IL1RAPL1: variants seen among roughly 807,000 people sequenced by gnomAD.
The protein encoded by IL1RAPL1 is interleukin 1 receptor accessory protein like 1, also known as interleukin-1 receptor accessory protein-like 1.
In IL1RAPL1, 3 loss-of-function variants were observed where a neutral mutation model predicts 48.4. That is an observed-to-expected ratio of 0.06 (90% CI 0.03 to 0.16). The LOEUF (loss-of-function observed/expected upper bound fraction) is 0.16, where lower values mean the gene tolerates loss of function less well. Ranked by LOEUF, IL1RAPL1 falls within the 10% of genes least tolerant of loss-of-function variation. The probability of loss-of-function intolerance (pLI) is 1.00; values close to 1 mark genes in which losing one functional copy is unlikely to be tolerated. For missense variants in IL1RAPL1, 349 were observed against 530.6 expected (o/e 0.66, Z 3.36); for synonymous variants, 185 against 187.7 (o/e 0.99, Z 0.12).
rs34833496 is a variant in IL1RAPL1 at position 29,217,773 on chromosome X, T to G, written c.83-65165T>G. Among the ~76,000 whole-genome samples the G allele has an allele frequency of 6.3e-4, 45 of 71,053 alleles. No homozygotes were observed. The Middle Eastern group carries it at 0.019, about 30-fold the overall frequency. 61.7% of individuals were successfully genotyped at this position (71,053 alleles called of 115,157 possible). A position where few individuals can be genotyped will look rare whatever the true frequency, so the allele number is the denominator to read the frequency against. On this transcript the variant is annotated intron_variant, in intron 2 of 10. Transcript: ENST00000378993. ...TACATTTTTTCTCTCTCTCTCTCTC[T>G]CTCTCACACACACACACACACACAC...
rs141344955 is a variant in IL1RAPL1 at position 29,574,746 on chromosome X, G to A, written c.704-93684G>A. Among the ~76,000 whole-genome samples, 105 of 111,532 alleles carry A rather than the reference G, an allele frequency of 9.4e-4. 1 individual carries two copies. Among genetic ancestry groups the A allele is most frequent in the African/African-American group, 3.3e-3 (102 of 30,702 alleles). On this transcript the variant is annotated intron_variant, in intron 5 of 10. Coordinates refer to ENST00000378993, the MANE Select transcript of IL1RAPL1 (RefSeq NM_014271.4). ...GCTACCCTTTTAAATATAAGTTCCA[G>A]TTTCAGATCATCCCTTTGCTCATGC...
intron 2 of IL1RAPL1, among the ~76,000 whole-genome samples, chrX:29,175,613 G>A (rs1028518275): frequency 3.6e-5 from 4 of 109,668 alleles, no homozygotes; most frequent in Non-Finnish European, 5.7e-5. Flanking sequence ...TTGGGAGGCC[G>A]AGGCGGGAGG....
At chrX:29,513,133 AT>A (rs1480740319) in intron 5 of IL1RAPL1, among the ~76,000 whole-genome samples, 1 of 111,196 alleles carries the variant, frequency 9.0e-6, no homozygotes, top group Non-Finnish European at 1.9e-5. Flanking sequence ...AAAATATGTT[AT>A]TTATTACAAA....
chrX:28,670,903 A>G (rs1046977194), intron 1 of IL1RAPL1, among the ~76,000 whole-genome samples: 14 of 112,282 alleles, frequency 1.2e-4, no homozygotes, highest in Non-Finnish European at 2.1e-4. Flanking sequence ...GACAATATCT[A>G]TAAATATCTA....
intron 6 of IL1RAPL1, among the ~76,000 whole-genome samples, chrX:29,760,120 C>T (rs1928720358): frequency 8.9e-6 from 1 of 111,778 alleles, no homozygotes; most frequent in South Asian, 3.8e-4. Flanking sequence ...AGCTCTTAAT[C>T]CGTCTGCACA....
At chrX:29,230,324 C>T (rs1271123544) in intron 2 of IL1RAPL1, among the ~76,000 whole-genome samples, 1 of 108,357 alleles carries the variant, frequency 9.2e-6, no homozygotes, top group Non-Finnish European at 1.9e-5. Flanking sequence ...TTAGGGCATA[C>T]TGAAGCTTCA....
chrX:28,760,664 A>G (rs1478053234), intron 1 of IL1RAPL1, among the ~76,000 whole-genome samples: 1 of 112,214 alleles, frequency 8.9e-6, no homozygotes, highest in Non-Finnish European at 1.9e-5. Context: ...ACTTCAGTCT[A>G]TTCAAGACAA....
At chrX:28,606,608 A>G (rs1199894812) in intron 1 of IL1RAPL1, among the ~76,000 whole-genome samples, 2 of 112,281 alleles carry the variant, frequency 1.8e-5, no homozygotes, top group Non-Finnish European at 3.8e-5. Context: ...TAAACTTCAT[A>G]TAATTTAAAA....
At chrX:28,922,503 A>G (rs1330047914) in intron 2 of IL1RAPL1, among the ~76,000 whole-genome samples, 1 of 112,154 alleles carries the variant, frequency 8.9e-6, no homozygotes, top group East Asian at 2.8e-4. Flanking sequence ...ACTATTTTCA[A>G]TATCAAAATC....
chrX:29,089,734 AAGC>A (rs1229832204), intron 2 of IL1RAPL1, among the ~76,000 whole-genome samples: 5 of 76,919 alleles, frequency 6.5e-5, no homozygotes, highest in African/African-American at 2.4e-4. Flanking sequence ...TTCTACATGA[AAGC>A]AGAGAAATAT....
At chrX:28,730,556 T>G (rs1159863598) in intron 1 of IL1RAPL1, among the ~76,000 whole-genome samples, 1 of 111,715 alleles carries the variant, frequency 9.0e-6, no homozygotes, top group East Asian at 2.8e-4. Flanking sequence ...AAAAAACTAA[T>G]AATATTTTCC....
chrX:28,978,552 C>T (rs975593070), intron 2 of IL1RAPL1, among the ~76,000 whole-genome samples: 1 of 111,824 alleles, frequency 8.9e-6, no homozygotes, highest in Non-Finnish European at 1.9e-5. Context: ...GGGGTGATGC[C>T]TTGCTTTAGT....
chrX:29,612,626 T>C (rs1443008512), intron 5 of IL1RAPL1, among the ~76,000 whole-genome samples: 1 of 111,526 alleles, frequency 9.0e-6, no homozygotes, highest in African/African-American at 3.3e-5. Flanking sequence ...CTCCCACCCA[T>C]CTCCCTTCTG....
At chrX:28,873,885 G>C (rs761482536) in intron 2 of IL1RAPL1, among the ~76,000 whole-genome samples, 1 of 108,035 alleles carries the variant, frequency 9.3e-6, no homozygotes, top group South Asian at 4.2e-4. Context: ...AAAATTGAGC[G>C]AGCAGCAGAT....
At chrX:28,797,256 G>A (rs1936623984) in intron 2 of IL1RAPL1, among the ~76,000 whole-genome samples, 1 of 111,815 alleles carries the variant, frequency 8.9e-6, no homozygotes, top group Non-Finnish European at 1.9e-5. Flanking sequence ...TTTCCCCACT[G>A]TCTCGGGGAT....
chrX:28,677,067 A>G (rs1935005711), intron 1 of IL1RAPL1, among the ~76,000 whole-genome samples: 1 of 111,861 alleles, frequency 8.9e-6, no homozygotes, highest in Admixed American at 9.5e-5. Context: ...TATAGAGGGG[A>G]GGACATATAA....
At chrX:29,109,014 C>T (rs1177707802) in intron 2 of IL1RAPL1, among the ~76,000 whole-genome samples, 1 of 109,153 alleles carries the variant, frequency 9.2e-6, no homozygotes, top group Non-Finnish European at 1.9e-5. Context: ...TCCCAATCAG[C>T]AGGGAAAAAA....
chrX:28,701,535 G>GTCT (rs1935297383), intron 1 of IL1RAPL1, among the ~76,000 whole-genome samples: 1 of 112,179 alleles, frequency 8.9e-6, no homozygotes, highest in South Asian at 3.7e-4. Context: ...TATGTTAAGT[G>GTCT]TCTTGACTGC....
Position 29,076,982 on chromosome X carries a change from A to G in IL1RAPL1, c.83-205956A>G, listed in dbSNP as rs183397932. Among the ~76,000 whole-genome samples, 257 of 112,514 alleles carry G rather than the reference A, an allele frequency of 2.3e-3. 1 individual carries two copies. Among genetic ancestry groups the G allele is most frequent in the African/African-American group, 8.0e-3 (248 of 31,025 alleles). On this transcript the variant is annotated intron_variant, in intron 2 of 10. Coordinates refer to ENST00000378993, the MANE Select transcript of IL1RAPL1 (RefSeq NM_014271.4). Reference sequence around the variant, plus strand: ...ATTACTCTGGGTATTCCATGCAGCTAAAGGTCGAGGGCCAAGGTGGCTGTA... The same window carrying G: ...ATTACTCTGGGTATTCCATGCAGCTGAAGGTCGAGGGCCAAGGTGGCTGTA...
Sources: allele counts gnomAD v4.1 joint callset (sites outside exome capture counted in the v4.1 genomes callset), GRCh38; gene constraint gnomAD v4.1.1; transcripts MANE v1.5; gene names NCBI Gene and HGNC (gene_info 2026-07-23, HGNC 2026-07-21).